The following UBL3 variants were observed in gnomAD, a reference collection of about 807,000 sequenced individuals.
UBL3 encodes ubiquitin-like protein 3.
A neutral mutation model predicts 18.4 loss-of-function variants in UBL3; 6 were observed. The ratio of observed to expected loss-of-function variants is 0.33; its 90% CI spans 0.18 to 0.64. The LOEUF is 0.64. UBL3 is among the 30% of genes least tolerant of loss of function. The pLI is 0.76. For synonymous variants in UBL3, 49 were observed against 46.6 expected (o/e 1.05, Z -0.21); for missense variants, 109 against 142.9 (o/e 0.76, Z 1.21).
Position 29,767,088 on chromosome 13 carries a change from G to T in UBL3, c.*167C>A, listed in dbSNP as rs1488510725. 8 of 563,430 alleles carry T rather than the reference G, an allele frequency of 1.4e-5. No individual in the cohort carries two copies. The highest frequency in any genetic ancestry group is 2.3e-5 in the Non-Finnish European group (8 of 345,694). The allele number at this position is 563,430 out of a possible 1,614,324, so 34.9% of individuals were successfully genotyped here. ...AAAATCAGAGTGAAAAATGTTCTTG[G>T]TTCTTTTTACTTTCATGAGAAAAGA... On this transcript the variant is annotated 3_prime_UTR_variant, in exon 5 of 5. Transcript: ENST00000380680.
At chr13:29,783,142 T>C (rs1393831796) in intron 1 of UBL3, among the ~76,000 whole-genome samples, 2 of 152,248 alleles carry the variant, frequency 1.3e-5, no homozygotes, top group Non-Finnish European at 2.9e-5. Context: ...GGTAGTGCTG[T>C]GGTCATGCAG....
At chr13:29,788,067 G>C (rs188975607) in intron 1 of UBL3, among the ~76,000 whole-genome samples, 1 of 152,088 alleles carries the variant, frequency 6.6e-6, no homozygotes, top group Non-Finnish European at 1.5e-5. Context: ...CTAGGCACCC[G>C]TTTTCTTTTG....
At chr13:29,787,090 A>C (rs1281070896) in intron 1 of UBL3, among the ~76,000 whole-genome samples, 1 of 152,214 alleles carries the variant, frequency 6.6e-6, no homozygotes, top group African/African-American at 2.4e-5. Context: ...GGGAACACTC[A>C]ACATGAACAA....
chr13:29,781,431 T>A (rs1366713360), intron 1 of UBL3, among the ~76,000 whole-genome samples: 2 of 152,110 alleles, frequency 1.3e-5, no homozygotes, highest in Non-Finnish European at 2.9e-5. Context: ...ATTCAAAGAG[T>A]ACTCAATCAT....
Position 29,765,487 on chromosome 13 carries a change from AAAC to A in UBL3, c.*1765_*1767del, listed in dbSNP as rs1191349103. 1 of 152,212 alleles carries A rather than the reference AAAC, an allele frequency of 6.6e-6. No individual in the cohort carries two copies. The highest frequency in any genetic ancestry group is 2.4e-5 in the African/African-American group (1 of 41,456). The allele number at this position is 152,212 out of a possible 1,614,324, so 9.4% of individuals were successfully genotyped here. ...AAAGATACATTGGGAATACTCCCCA[AAAC>A]AACAACAGAATATTAATTAAATGAA... On this transcript the variant is annotated 3_prime_UTR_variant, in exon 5 of 5. Coordinates refer to ENST00000380680, the MANE Select transcript of UBL3 (RefSeq NM_007106.4).
At chr13:29,826,546 C>T (rs1439877915) in intron 1 of UBL3, among the ~76,000 whole-genome samples, 6 of 151,704 alleles carry the variant, frequency 4.0e-5, no homozygotes, top group Admixed American at 3.3e-4. Context: ...TGGTGATATC[C>T]CCTTTATTAT....
At chr13:29,799,550 C>T (rs531297272) in intron 1 of UBL3, among the ~76,000 whole-genome samples, 1 of 152,270 alleles carries the variant, frequency 6.6e-6, no homozygotes, top group African/African-American at 2.4e-5. Context: ...CTCCCATACA[C>T]TAAGACTATA....
At chr13:29,784,230 A>G (rs567224785) in intron 1 of UBL3, among the ~76,000 whole-genome samples, 5 of 152,310 alleles carry the variant, frequency 3.3e-5, no homozygotes, top group Admixed American at 6.5e-5. Flanking sequence ...AAATGACGGG[A>G]AAGAAAGAGG....
rs958327365 is a variant in UBL3, at chr13:29,789,309, T to C, written c.28-12046A>G. Among the ~76,000 whole-genome samples the C allele has an allele frequency of 4.6e-5, 7 of 152,312 alleles. No individual in the cohort carries two copies. The East Asian group carries it at 9.6e-4, about 21-fold the overall frequency. ...TTCACAAATGTAAAATACCACTGAATTGCACACTTTAAAATGGTTAAGATG... is the reference window on the plus strand; with the variant it reads ...TTCACAAATGTAAAATACCACTGAACTGCACACTTTAAAATGGTTAAGATG... On this transcript the variant is annotated intron_variant, in intron 1 of 4. Coordinates refer to ENST00000380680, the MANE Select transcript of UBL3 (RefSeq NM_007106.4).
intron 1 of UBL3, among the ~76,000 whole-genome samples, chr13:29,784,372 T>G (rs1565991181): frequency 2.6e-5 from 4 of 151,758 alleles, no homozygotes. Context: ...AATTCCCACT[T>G]CTCCTCTGAG....
chr13:29,832,084 G>A (rs1487577627), intron 1 of UBL3, among the ~76,000 whole-genome samples: 1 of 152,204 alleles, frequency 6.6e-6, no homozygotes, highest in African/African-American at 2.4e-5. Context: ...TCAGACACCT[G>A]CAGTGCTAAT....
intron 1 of UBL3, among the ~76,000 whole-genome samples, chr13:29,828,769 G>A (rs954374609): frequency 3.9e-5 from 6 of 152,130 alleles, no homozygotes; most frequent in South Asian, 2.1e-4. Context: ...TAGAATTTTC[G>A]GCTTTTCTGC....
At chr13:29,791,833 A>G (rs1200530893) in intron 1 of UBL3, among the ~76,000 whole-genome samples, 1 of 152,148 alleles carries the variant, frequency 6.6e-6, no homozygotes, top group Non-Finnish European at 1.5e-5. Context: ...TACATATATC[A>G]CATCTGTTAT....
rs17625421 is a variant in UBL3 at position 29,773,102 on chromosome 13, T to C, written c.137-904A>G. On this transcript the variant is annotated intron_variant, in intron 2 of 4. Coordinates refer to ENST00000380680, the MANE Select transcript of UBL3 (RefSeq NM_007106.4). ...ACAATTCTAATGTGTTTGTTTCCTA[T>C]AGAAAGAGATAATGGTTAACACAAA... 4.9e-4 allele frequency among the ~76,000 whole-genome samples: 75 copies of C among 152,294 alleles called. No individual in the cohort carries two copies. The East Asian group carries it at 0.011, about 23-fold the overall frequency.
chr13:29,849,660 CA>C lies in UBL3; in HGVS notation c.-123del. 3.0e-6 allele frequency: 4 copies of C among 1,325,426 alleles called. No individual in the cohort carries two copies. Among genetic ancestry groups the C allele is most frequent in the Non-Finnish European group, 3.2e-6 (3 of 946,716 alleles). The allele number at this position is 1,325,426 out of a possible 1,614,324, so 82.1% of individuals were successfully genotyped here. A position where few individuals can be genotyped will look rare whatever the true frequency, so the allele number is the denominator to read the frequency against. On this transcript the variant is annotated 5_prime_UTR_variant, in exon 1 of 5. Coordinates refer to ENST00000380680, the MANE Select transcript of UBL3 (RefSeq NM_007106.4). ...CTGGTTCGTGATGTGCTTTCTCCCC[CA>C]AAAATAAAGTTATTTTGGAGCCAAA...
rs189405856 is a variant in UBL3 at position 29,803,366 on chromosome 13, A to G, written c.28-26103T>C. On this transcript the variant is annotated intron_variant, in intron 1 of 4. Coordinates refer to ENST00000380680, the MANE Select transcript of UBL3 (RefSeq NM_007106.4). ...CACAGACCACTGACACTATAAAAGA[A>G]TGATGCAAACAAGTCTACATGATAA... is the stretch of plus-strand genomic sequence containing the variant. Among the ~76,000 whole-genome samples, 344 of 152,296 alleles carry G rather than the reference A, an allele frequency of 2.3e-3. 2 individuals are homozygous for G. Among genetic ancestry groups the G allele is most frequent in the African/African-American group, 8.1e-3 (336 of 41,572 alleles).
chr13:29,825,099 G>A (rs903792661), intron 1 of UBL3, among the ~76,000 whole-genome samples: 47 of 152,160 alleles, frequency 3.1e-4, no homozygotes, highest in African/African-American at 1.1e-3. Flanking sequence ...ATGCTGTTTT[G>A]GTTACTGTAG....
At chr13:29,800,216 T>A (rs1877724252) in intron 1 of UBL3, among the ~76,000 whole-genome samples, 1 of 152,204 alleles carries the variant, frequency 6.6e-6, no homozygotes, top group African/African-American at 2.4e-5. Context: ...TAAGATATAT[T>A]TTGAAATGCT....
At chr13:29,831,464 T>C (rs1878768371) in intron 1 of UBL3, among the ~76,000 whole-genome samples, 1 of 151,980 alleles carries the variant, frequency 6.6e-6, no homozygotes, top group Non-Finnish European at 1.5e-5. Flanking sequence ...AGTGCATGCC[T>C]GTAATCCCAG....
Sources: gnomAD v4.1 joint callset for allele counts (sites outside exome capture counted in the v4.1 genomes callset) on GRCh38, gnomAD v4.1.1 for gene constraint, MANE v1.5 for transcripts, NCBI Gene and HGNC (gene_info 2026-07-23, HGNC 2026-07-21) for gene names.